Variants in VBP1 observed in about 807,000 individuals in gnomAD.
VBP1 encodes the protein prefoldin subunit 3.
In VBP1, 4 loss-of-function variants were observed where a neutral mutation model predicts 15.5. The ratio of observed to expected loss-of-function variants is 0.26; its 90% CI spans 0.13 to 0.59. The LOEUF (loss-of-function observed/expected upper bound fraction) is 0.59, where lower values mean the gene tolerates loss of function less well. Among genes scored for constraint, VBP1 ranks in the 20% least tolerant of loss-of-function variants. The pLI is 0.90. For missense variants in VBP1, 108 were observed against 139.6 expected, an observed-to-expected ratio of 0.77 and a Z score of 1.14; for synonymous variants, 61 against 52.1, an observed-to-expected ratio of 1.17 and a Z score of -0.74.
At chrX:155,217,777 T>C (rs2074671945) in intron 1 of VBP1, among the ~76,000 whole-genome samples, 1 of 111,471 alleles carries the variant, frequency 9.0e-6, no homozygotes, top group African/African-American at 3.3e-5. Flanking sequence ...GTTTTTTAGA[T>C]GATAAAACTG....
At chrX:155,208,659 G>T (rs2074633986) in intron 1 of VBP1, among the ~76,000 whole-genome samples, 1 of 111,017 alleles carries the variant, frequency 9.0e-6, no homozygotes, top group African/African-American at 3.3e-5. Flanking sequence ...CACACTCTTT[G>T]GTCTGTCACA....
intron 2 of VBP1, among the ~76,000 whole-genome samples, chrX:155,221,595 G>A (rs2074689785): frequency 8.9e-6 from 1 of 112,103 alleles, no homozygotes; most frequent in Non-Finnish European, 1.9e-5. Context: ...AACAGTAGAG[G>A]TACAGGGGGA....
At chrX:155,210,740 G>GAGC (rs1209975602) in intron 2 of VBP1, among the ~76,000 whole-genome samples, 5 of 111,893 alleles carry the variant, frequency 4.5e-5, no homozygotes, top group African/African-American at 1.6e-4. Context: ...TTGATTTCCT[G>GAGC]AGCAGACTCT....
At chrX:155,229,918 T>C (rs1557310652) in intron 4 of VBP1, among the ~76,000 whole-genome samples, 1 of 112,001 alleles carries the variant, frequency 8.9e-6, no homozygotes, top group Admixed American at 9.5e-5. Context: ...TCTGAATAGA[T>C]TGAGAAGCCA....
chrX:155,210,334 C>T (rs1557308415), intron 2 of VBP1, among the ~76,000 whole-genome samples: 1 of 111,657 alleles, frequency 9.0e-6, no homozygotes, highest in Non-Finnish European at 1.9e-5. Flanking sequence ...TGCACCCATA[C>T]TCCTAGCCAC....
intron 1 of VBP1, among the ~76,000 whole-genome samples, chrX:155,202,270 A>G (rs782461385): frequency 1.8e-5 from 2 of 111,738 alleles, no homozygotes; most frequent in Admixed American, 1.9e-4. Flanking sequence ...TAAAGTTCAT[A>G]TGGAACCAAA....
intron 2 of VBP1, among the ~76,000 whole-genome samples, chrX:155,221,431 G>A (rs1485838269): frequency 6.3e-5 from 7 of 111,565 alleles, no homozygotes; most frequent in Admixed American, 2.9e-4. Context: ...AACCCAGGAC[G>A]TTGAGGCTGC....
chrX:155,236,856 T>C (rs781786028), intron 5 of VBP1, among the ~76,000 whole-genome samples: 1 of 112,307 alleles, frequency 8.9e-6, no homozygotes, highest in African/African-American at 3.2e-5. Flanking sequence ...TCACAAGCAT[T>C]TAAGGGTCTC....
At chrX:155,223,114 TTG>T (rs1438496339) in intron 2 of VBP1, among the ~76,000 whole-genome samples, 12 of 108,125 alleles carry the variant, frequency 1.1e-4, no homozygotes, top group African/African-American at 2.0e-4. Context: ...GCTAGCCTTT[TTG>T]TTTTTTTTTT....
In VBP1 at chrX:155,239,145, G is replaced by A. The variant is rs994865012; in HGVS notation, c.*303G>A. 44 of 176,953 alleles carry A rather than the reference G, an allele frequency of 2.5e-4. No individual in the cohort carries two copies. The Middle Eastern group carries it at 7.8e-3, about 31-fold the overall frequency. The allele number at this position is 176,953 out of a possible 1,213,427, so 14.6% of individuals were successfully genotyped here. On this transcript the variant is annotated 3_prime_UTR_variant, in exon 6 of 6. Transcript: ENST00000286428. ...ATGCTATGGAAGCTGAATGCCGGAC[G>A]CTAGCACAGTTTACTTTTTCCCTTT...
At position 155,235,108 on chromosome X, in the gene VBP1, GTGTGTGTA is replaced by G. The variant is rs1200087236; in HGVS notation, c.385-1113_385-1106del. Among the ~76,000 whole-genome samples the G allele has an allele frequency of 3.9e-4, 42 of 107,489 alleles. 1 individual carries two copies. Among genetic ancestry groups the G allele is most frequent in the African/African-American group, 1.3e-3 (39 of 28,896 alleles). The allele number at this position is 107,489 out of a possible 115,157, so 93.3% of individuals were successfully genotyped here. A position where few individuals can be genotyped will look rare whatever the true frequency, so the allele number is the denominator to read the frequency against. On this transcript the variant is annotated intron_variant, in intron 4 of 5. Transcript: ENST00000286428. Reference sequence around the variant, plus strand: ...TTGCGTGTCATTTCACCCAGTGTGTGTGTGTGTATGTGTGTGTGTGTGTGTGTGTGTGT... The same window carrying G: ...TTGCGTGTCATTTCACCCAGTGTGTGTGTGTGTGTGTGTGTGTGTGTGTGT...
rs1466302132 is a variant in VBP1, at chrX:155,220,081, A to G, written c.94-102A>G. 5 of 862,149 alleles carry G rather than the reference A, an allele frequency of 5.8e-6. No homozygotes were observed. In the South Asian group the frequency reaches 8.8e-5, roughly 15 times the overall value. 71.1% of individuals were successfully genotyped at this position (862,149 alleles called of 1,213,427 possible). A position where few individuals can be genotyped will look rare whatever the true frequency, so the allele number is the denominator to read the frequency against. ...TAGTTAAAAACAAACCTTTGGAGAA[A>G]AACAAAGCTTTTTTTTCTTCTATGT... On this transcript the variant is annotated intron_variant, in intron 1 of 5. Coordinates refer to ENST00000286428, the MANE Select transcript of VBP1 (RefSeq NM_003372.7).
intron 2 of VBP1, among the ~76,000 whole-genome samples, chrX:155,221,238 G>A (rs1311769665): frequency 9.0e-6 from 1 of 111,266 alleles, no homozygotes; most frequent in African/African-American, 3.3e-5. Context: ...AGGCTGAGTT[G>A]GGAGAATTGC....
At chrX:155,231,519 G>A in intron 4 of VBP1, among the ~76,000 whole-genome samples, 1 of 112,189 alleles carries the variant, frequency 8.9e-6, no homozygotes, top group African/African-American at 3.2e-5. Context: ...CATAATAAGT[G>A]CTCAGTAAAA....
At chrX:155,232,182 C>G (rs782585529) in intron 4 of VBP1, among the ~76,000 whole-genome samples, 1 of 108,889 alleles carries the variant, frequency 9.2e-6, no homozygotes, top group Non-Finnish European at 1.9e-5. Context: ...CTTCTGTTTC[C>G]CTTCCTGACT....
intron 1 of VBP1, among the ~76,000 whole-genome samples, chrX:155,219,748 G>T (rs1439007351): frequency 1.3e-4 from 14 of 111,350 alleles, no homozygotes; most frequent in African/African-American, 4.6e-4. Flanking sequence ...GAAAGTGAAA[G>T]AATAAATTAG....
At chrX:155,220,097 T>C in intron 1 of VBP1, 86 bp from the exon 2 acceptor site, 2 of 938,660 alleles carry the variant, frequency 2.1e-6, no homozygotes, top group Admixed American at 3.3e-5. Flanking sequence ...AGCTTTTTTT[T>C]CTTCTATGTT....
intron 2 of VBP1, among the ~76,000 whole-genome samples, chrX:155,223,682 A>G (rs2074702163): frequency 8.9e-6 from 1 of 112,625 alleles, no homozygotes; most frequent in Admixed American, 9.3e-5. Flanking sequence ...CTCCATCGTC[A>G]TCATGGCCCG....
intron 2 of VBP1, among the ~76,000 whole-genome samples, chrX:155,220,940 C>T (rs782073362): frequency 5.4e-5 from 6 of 111,960 alleles, no homozygotes; most frequent in Admixed American, 1.9e-4. Context: ...CCTGTAATTC[C>T]AGCACTTTGG....
Sources: gnomAD v4.1 joint callset for allele counts (sites outside exome capture counted in the v4.1 genomes callset) on GRCh38, gnomAD v4.1.1 for gene constraint, MANE v1.5 for transcripts, NCBI Gene and HGNC (gene_info 2026-07-23, HGNC 2026-07-21) for gene names.